DRGX: variants seen among roughly 807,000 people sequenced by gnomAD.
The protein encoded by DRGX is dorsal root ganglia homeobox protein.
DRGX carries 21 observed loss-of-function variants against 28.6 expected under a neutral mutation model. That is an observed-to-expected ratio of 0.73 (90% CI 0.52 to 1.06). The LOEUF (loss-of-function observed/expected upper bound fraction) is 1.06, where lower values mean the gene tolerates loss of function less well. Ranked by LOEUF, DRGX falls within the 50% of genes least tolerant of loss-of-function variation. The pLI, the probability that DRGX is intolerant of heterozygous loss-of-function variation, is 0.00. For missense variants in DRGX, 354 were observed against 343.9 expected (o/e 1.03, Z -0.23); for synonymous variants, 136 against 139.1 (o/e 0.98, Z 0.16).
chr10:49,381,852 A>G (rs1195822069), intron 6 of DRGX, among the ~76,000 whole-genome samples: 2 of 152,204 alleles, frequency 1.3e-5, no homozygotes, highest in African/African-American at 2.4e-5. Flanking sequence ...TCTTTGGTCC[A>G]AGGCTGTAAG....
chr10:49,394,714 C>T (rs930240819), intron 2 of DRGX, among the ~76,000 whole-genome samples: 7 of 152,202 alleles, frequency 4.6e-5, no homozygotes, highest in Non-Finnish European at 7.3e-5. Context: ...GACTGGGGAT[C>T]CTGAGGGGAA....
intron 6 of DRGX, among the ~76,000 whole-genome samples, chr10:49,376,155 C>A (rs1238854002): frequency 6.6e-6 from 1 of 152,146 alleles, no homozygotes; most frequent in African/African-American, 2.4e-5. Context: ...TTGGACAGTT[C>A]TATCTCTTCT....
chr10:49,375,157 A>G (rs187196210), intron 6 of DRGX, among the ~76,000 whole-genome samples: 39 of 152,344 alleles, frequency 2.6e-4, no homozygotes, highest in Middle Eastern at 6.8e-3. Context: ...CTTCTACTAA[A>G]GGAACTCCTG....
chr10:49,391,849 T>C (rs1304433748), intron 2 of DRGX: 1 of 525,720 alleles, frequency 1.9e-6, no homozygotes, highest in Admixed American at 2.0e-5. Context: ...TGGTCACAGC[T>C]CATCAGCACC....
chr10:49,382,221 T>G (rs916456945), intron 6 of DRGX, among the ~76,000 whole-genome samples: 2 of 152,114 alleles, frequency 1.3e-5, no homozygotes, highest in African/African-American at 4.8e-5. Context: ...GAAGGACACA[T>G]CAGGAACCTG....
chr10:49,372,136 G>C (rs1489630035), intron 6 of DRGX, among the ~76,000 whole-genome samples: 1 of 152,208 alleles, frequency 6.6e-6, no homozygotes, highest in Non-Finnish European at 1.5e-5. Flanking sequence ...CATGGTGTTT[G>C]ACAGGGCTTT....
chr10:49,368,616 C>A lies in DRGX; in HGVS notation c.527-2235G>T, dbSNP rs187102629. Among the ~76,000 whole-genome samples the A allele has an allele frequency of 3.5e-4, 54 of 152,350 alleles. 1 individual carries two copies. In the East Asian group the frequency reaches 9.3e-3, roughly 26 times the overall value. On this transcript the variant is annotated intron_variant, in intron 6 of 6. Transcript: ENST00000374139. ...AGTCCTTCCTGATGGTTAGAACCCA[C>A]CCCCATGGGGCCTTATCTTCCTCCA...
intron 2 of DRGX, chr10:49,391,865 G>A (rs1224158856): frequency 3.8e-6 from 2 of 523,106 alleles, no homozygotes; most frequent in Non-Finnish European, 7.9e-6. Flanking sequence ...GCACCATAGT[G>A]GATCTGTTAT....
At chr10:49,392,854 A>G (rs138148081) in intron 2 of DRGX, among the ~76,000 whole-genome samples, 12 of 152,366 alleles carry the variant, frequency 7.9e-5, no homozygotes, top group African/African-American at 2.6e-4. Flanking sequence ...GGATAATTCA[A>G]CCAAACACAA....
chr10:49,372,517 A>T (rs1849671372), intron 6 of DRGX, among the ~76,000 whole-genome samples: 1 of 152,204 alleles, frequency 6.6e-6, no homozygotes, highest in Non-Finnish European at 1.5e-5. Context: ...CCTATAAAGC[A>T]CCTGGTACTT....
In DRGX at chr10:49,366,293, G is replaced by T. The variant is rs1205887900; in HGVS notation, c.615C>A (p.Ser205Arg). 6.2e-7 allele frequency: 1 copy of T among 1,613,884 alleles called. No homozygotes were observed. Among genetic ancestry groups the T allele is most frequent in the Non-Finnish European group, 8.5e-7 (1 of 1,179,840 alleles). The stretch of plus-strand genomic sequence containing the variant: ...GGGCCTTCATGCGCAGGGTGGCCAC[G>T]CTGGCCGTGCGGTTACTCTGGCAGC... The part of the protein sequence containing the change: ...TYGCQSNRTA[S>R]VATLRMKARE... Residue 205 changes from serine (S) to arginine (R), a missense_variant, in exon 7 of 7, where the codon AGC (serine) becomes AGA (arginine). By Grantham distance (110) the Ser-to-Arg change is moderately radical. Coordinates refer to ENST00000374139, the MANE Select transcript of DRGX (RefSeq NM_001276451.2).
At chr10:49,369,118 G>A (rs1046758193) in intron 6 of DRGX, among the ~76,000 whole-genome samples, 3 of 152,236 alleles carry the variant, frequency 2.0e-5, no homozygotes, top group African/African-American at 7.2e-5. Context: ...AGAAGTGACA[G>A]AGCCTCCTTG....
Position 49,386,602 on chromosome 10 carries a change from A to G in DRGX, c.414-12T>C. ...CCGTTCGCCCCAGGCTGGCAAAGGA[A>G]GGAGATCATATTGAGGTCTCGCCCT... On this transcript the variant is annotated splice_polypyrimidine_tract_variant and intron_variant, in intron 5 of 6. Coordinates refer to ENST00000374139, the MANE Select transcript of DRGX (RefSeq NM_001276451.2). 4 of 1,595,556 alleles carry G rather than the reference A, an allele frequency of 2.5e-6. No individual in the cohort carries two copies. Among genetic ancestry groups the G allele is most frequent in the Non-Finnish European group, 3.4e-6 (4 of 1,171,082 alleles).
intron 6 of DRGX, among the ~76,000 whole-genome samples, chr10:49,381,443 C>T (rs1177110442): frequency 1.3e-5 from 2 of 152,260 alleles, no homozygotes; most frequent in South Asian, 2.1e-4. Context: ...TTGGCAGCCA[C>T]ATCTTTCTCA....
chr10:49,387,587 C>T (rs961636226), intron 4 of DRGX, among the ~76,000 whole-genome samples: 21 of 150,352 alleles, frequency 1.4e-4, no homozygotes, highest in African/African-American at 4.9e-4. Context: ...CACTTGAACC[C>T]GGGAGGTAGA....
At chr10:49,380,134 A>G (rs1387099927) in intron 6 of DRGX, among the ~76,000 whole-genome samples, 5 of 152,192 alleles carry the variant, frequency 3.3e-5, no homozygotes, top group Non-Finnish European at 1.5e-5. Flanking sequence ...TGGTGCCGCC[A>G]CTTGGCAGGC....
chr10:49,387,546 C>T (rs1849853233), intron 4 of DRGX, among the ~76,000 whole-genome samples: 1 of 151,658 alleles, frequency 6.6e-6, no homozygotes, highest in Admixed American at 6.6e-5. Context: ...GCCTGTAATC[C>T]CAGCTATTCA....
intron 6 of DRGX, among the ~76,000 whole-genome samples, chr10:49,378,675 A>G (rs1344738502): frequency 6.6e-6 from 1 of 152,234 alleles, no homozygotes; most frequent in Non-Finnish European, 1.5e-5. Flanking sequence ...TCCAGCAAGA[A>G]AAAGAAATTG....
rs751338807 is a variant in DRGX, at chr10:49,366,095, C to T, written c.*21G>A. 1.2e-5 allele frequency: 18 copies of T among 1,514,678 alleles called. No homozygotes were observed. The highest frequency in any genetic ancestry group is 1.2e-4 in the South Asian group (9 of 76,358). The allele number at this position is 1,514,678 out of a possible 1,614,324, so 93.8% of individuals were successfully genotyped here. On this transcript the variant is annotated 3_prime_UTR_variant, in exon 7 of 7. Transcript: ENST00000374139. ...GAAGGAGGGGCGGGGGAGGGCAGGCCGGGCGGGGCACTGTGGACCCTCATA... is the reference window on the plus strand; with the variant it reads ...GAAGGAGGGGCGGGGGAGGGCAGGCTGGGCGGGGCACTGTGGACCCTCATA...
Sources: allele counts gnomAD v4.1 joint callset (sites outside exome capture counted in the v4.1 genomes callset), GRCh38; gene constraint gnomAD v4.1.1; transcripts MANE v1.5; gene names NCBI Gene and HGNC (gene_info 2026-07-23, HGNC 2026-07-21).